The following DCAF8 variants were observed in gnomAD, a reference collection of about 807,000 sequenced individuals.
DCAF8 encodes DDB1- and CUL4-associated factor 8.
A neutral mutation model predicts 68.0 loss-of-function variants in DCAF8; 20 were observed. The ratio of observed to expected loss-of-function variants is 0.29; its 90% confidence interval spans 0.21 to 0.43. DCAF8 has a LOEUF of 0.43. Ranked by LOEUF, DCAF8 falls within the 20% of genes least tolerant of loss-of-function variation. The probability of loss-of-function intolerance (pLI) is 1.00; values close to 1 mark genes in which losing one functional copy is unlikely to be tolerated. For missense variants in DCAF8, 460 were observed against 771.0 expected (o/e 0.60, Z 4.78); for synonymous variants, 230 against 276.9 (o/e 0.83, Z 1.68).
At position 160,218,897 on chromosome 1, in the gene DCAF8, G is replaced by T. The variant is rs200941524; in HGVS notation, c.1512C>A (p.Ile504=). The change falls in exon 12 of 14, where the codon ATC becomes ATA. Residue 504 remains isoleucine (I), a synonymous_variant. Coordinates refer to ENST00000368074, the MANE Select transcript of DCAF8 (RefSeq NM_015726.4). ...TGGAAGCTTCAGCTGTGGGTGCCCA[G>T]ATCTTCACATCATGGTCTAGGCCAC... ...ATSGLDHDVK[I]WAPTAEASTE... 9.3e-6 allele frequency: 15 copies of T among 1,614,236 alleles called. No homozygotes were observed. In the East Asian group the frequency reaches 2.9e-4, roughly 31 times the overall value.
chr1:160,224,433 C>T lies in DCAF8; in HGVS notation c.1309+9G>A, dbSNP rs1655401759. On this transcript the variant is annotated intron_variant, in intron 10 of 13. Transcript: ENST00000368074. ...CTTGGGCCAAAGAAACCTAGGAAGACAGTCTCACCTGTGGCATTATTTCTG... is the reference window on the plus strand; with the variant it reads ...CTTGGGCCAAAGAAACCTAGGAAGATAGTCTCACCTGTGGCATTATTTCTG... The T allele has an allele frequency of 3.7e-6, 6 of 1,605,314 alleles. 1 individual carries two copies. The highest frequency in any genetic ancestry group is 5.1e-6 in the Non-Finnish European group (6 of 1,171,976).
intron 2 of DCAF8, among the ~76,000 whole-genome samples, chr1:160,245,421 T>A (rs1472823782): frequency 2.0e-5 from 3 of 152,212 alleles, no homozygotes; most frequent in Non-Finnish European, 4.4e-5. Flanking sequence ...TTCATTCCCA[T>A]GACAATTATT....
intron 2 of DCAF8, among the ~76,000 whole-genome samples, chr1:160,246,567 G>C (rs1656347227): frequency 6.6e-6 from 1 of 152,160 alleles, no homozygotes; most frequent in Non-Finnish European, 1.5e-5. Flanking sequence ...GGCTGAGAAA[G>C]GACTGCTTGA....
chr1:160,256,609 T>C (rs745845817), intron 2 of DCAF8, among the ~76,000 whole-genome samples: 4 of 152,210 alleles, frequency 2.6e-5, no homozygotes, highest in Non-Finnish European at 4.4e-5. Flanking sequence ...GGCAAATATG[T>C]ATGCTTCACT....
intron 2 of DCAF8, among the ~76,000 whole-genome samples, chr1:160,258,541 C>G (rs1171089481): frequency 6.6e-6 from 1 of 151,940 alleles, no homozygotes; most frequent in Admixed American, 6.6e-5. Flanking sequence ...AATCCCAGCA[C>G]TTTGGGAGGC....
chr1:160,228,619 T>C (rs1225692536), intron 7 of DCAF8, among the ~76,000 whole-genome samples: 2 of 151,796 alleles, frequency 1.3e-5, no homozygotes, highest in Non-Finnish European at 2.9e-5. Context: ...CCTTTTTTTT[T>C]TTTTTGGCCA....
intron 2 of DCAF8, among the ~76,000 whole-genome samples, chr1:160,253,886 CAG>C (rs747596769): frequency 2.0e-5 from 3 of 151,984 alleles, no homozygotes; most frequent in South Asian, 2.1e-4. Flanking sequence ...CAAAAAAATA[CAG>C]AGAACAGTAT....
At chr1:160,251,664 GAACAT>G (rs1656602077) in intron 2 of DCAF8, among the ~76,000 whole-genome samples, 1 of 151,954 alleles carries the variant, frequency 6.6e-6, no homozygotes, top group African/African-American at 2.4e-5. Flanking sequence ...TGGTGGTGGG[GAACAT>G]GTTGCCCAGG....
intron 2 of DCAF8, among the ~76,000 whole-genome samples, chr1:160,247,682 T>G (rs1656398544): frequency 6.6e-6 from 1 of 152,232 alleles, no homozygotes; most frequent in African/African-American, 2.4e-5. Context: ...GAGTATTTCC[T>G]TTGAGCATCA....
At chr1:160,226,501 C>A (rs1012526534) in intron 7 of DCAF8, among the ~76,000 whole-genome samples, 1 of 152,204 alleles carries the variant, frequency 6.6e-6, no homozygotes, top group Admixed American at 6.5e-5. Flanking sequence ...CAGTGAGGAA[C>A]AAGACAGATC....
At position 160,225,228 on chromosome 1, in the gene DCAF8, G is replaced by C. The variant is rs1655422741; in HGVS notation, c.1144-109C>G. 1.1e-5 allele frequency: 11 copies of C among 1,025,864 alleles called. No individual in the cohort carries two copies. The South Asian group carries it at 1.7e-4, about 16-fold the overall frequency. The allele number at this position is 1,025,864 out of a possible 1,614,324, so 63.5% of individuals were successfully genotyped here. ...CCCCTATATCTTCTCCCAGAGATTT[G>C]AGAAAGACAGACAGAGACAAGAGTA... On this transcript the variant is annotated intron_variant, in intron 8 of 13. Coordinates refer to ENST00000368074, the MANE Select transcript of DCAF8 (RefSeq NM_015726.4).
chr1:160,225,576 C>T lies in DCAF8; in HGVS notation c.1143+15G>A, dbSNP rs746124785. The T allele has an allele frequency of 1.9e-6, 3 of 1,608,076 alleles. No homozygotes were observed. The highest frequency in any genetic ancestry group is 2.2e-5 in the South Asian group (2 of 90,682). On this transcript the variant is annotated intron_variant, in intron 8 of 13. Coordinates refer to ENST00000368074, the MANE Select transcript of DCAF8 (RefSeq NM_015726.4). The stretch of plus-strand genomic sequence containing the variant: ...TCAGGGAAGCCTGCAGCAACTGGCC[C>T]TTCATGAATCTTACCAGGTGATGAG...
At chr1:160,244,852 G>T (rs534217747) in intron 2 of DCAF8, among the ~76,000 whole-genome samples, 1 of 151,868 alleles carries the variant, frequency 6.6e-6, no homozygotes, top group East Asian at 1.9e-4. Context: ...CGAGTGATCC[G>T]CCCGCCTCGG....
chr1:160,227,512 C>T (rs1655517896), intron 7 of DCAF8, among the ~76,000 whole-genome samples: 1 of 152,164 alleles, frequency 6.6e-6, no homozygotes, highest in Admixed American at 6.5e-5. Context: ...CTGCCTCAGC[C>T]TCCCAAAGTG....
At chr1:160,258,663 C>T (rs1463929344) in intron 2 of DCAF8, among the ~76,000 whole-genome samples, 5 of 151,716 alleles carry the variant, frequency 3.3e-5, no homozygotes, top group Admixed American at 2.0e-4. Flanking sequence ...TATGCCCCTG[C>T]GGTCCCAGCT....
At chr1:160,257,392 A>T (rs1656879797) in intron 2 of DCAF8, among the ~76,000 whole-genome samples, 1 of 152,230 alleles carries the variant, frequency 6.6e-6, no homozygotes, top group Non-Finnish European at 1.5e-5. Flanking sequence ...TATTTCCTAG[A>T]CATGTTTAGA....
intron 6 of DCAF8, among the ~76,000 whole-genome samples, chr1:160,236,642 A>G (rs1020908188): frequency 6.6e-6 from 1 of 152,210 alleles, no homozygotes; most frequent in Non-Finnish European, 1.5e-5. Flanking sequence ...ATGATACCAC[A>G]CAGTTAAAAA....
chr1:160,249,354 C>T (rs1656487947), intron 2 of DCAF8, among the ~76,000 whole-genome samples: 1 of 152,154 alleles, frequency 6.6e-6, no homozygotes, highest in Non-Finnish European at 1.5e-5. Flanking sequence ...TTATTAAGTA[C>T]TAACAAGAAG....
chr1:160,219,155 G>C (rs1038517882), intron 11 of DCAF8, 187 bp from the exon 12 acceptor site: 1 of 680,982 alleles, frequency 1.5e-6, no homozygotes, highest in African/African-American at 1.8e-5. Context: ...CACAGACTGG[G>C]TATAAGACCA....
Sources: allele counts gnomAD v4.1 joint callset (sites outside exome capture counted in the v4.1 genomes callset), GRCh38; gene constraint gnomAD v4.1.1; transcripts MANE v1.5; gene names NCBI Gene and HGNC (gene_info 2026-07-23, HGNC 2026-07-21).